C17orf67: variants seen among roughly 807,000 people sequenced by gnomAD.
C17orf67 encodes chromosome 17 open reading frame 67, also known as uncharacterized protein C17orf67.
A neutral mutation model predicts 11.2 loss-of-function variants in C17orf67; 12 were observed. That is an observed-to-expected ratio of 1.07 (90% CI 0.68 to 1.73). The LOEUF is 1.73. Among genes scored for constraint, C17orf67 ranks in the 40% most tolerant of loss-of-function variants. The pLI is 0.00. For missense variants in C17orf67, 115 were observed against 113.5 expected, an observed-to-expected ratio of 1.01 and a Z score of -0.06; for synonymous variants, 59 against 46.9, an observed-to-expected ratio of 1.26 and a Z score of -1.05.
chr17:56,800,267 G>A (rs905590551), intron 6 of C17orf67, among the ~76,000 whole-genome samples: 15 of 151,944 alleles, frequency 9.9e-5, no homozygotes, highest in African/African-American at 2.9e-4. Context: ...GGGTTTCACC[G>A]TGTTAGCCAG....
rs751416229 is a variant in C17orf67, at chr17:56,815,800, A to G, written c.11T>C (p.Leu4Ser). The G allele has an allele frequency of 5.6e-6, 9 of 1,613,856 alleles. No homozygotes were observed. The Admixed American group carries it at 1.5e-4, about 27-fold the overall frequency. MKTLPVLVLSLTLL... is the reference protein window; with the variant it reads MKTSPVLVLSLTLL... ...GGTAAGAGACAGCACGAGCACAGGC[A>G]ATGTCTTCATCCTGCCTTGGTTCCT... The change falls in exon 5 of 8, where the codon TTG becomes TCG. Residue 4 changes from leucine to serine, a missense_variant. Coordinates refer to ENST00000397861, the MANE Select transcript of C17orf67 (RefSeq NM_001085430.4).
intron 6 of C17orf67, chr17:56,804,395 A>G (rs1465800435): frequency 1.3e-5 from 2 of 152,226 alleles, no homozygotes; most frequent in Non-Finnish European, 1.5e-5. Context: ...TTTGCTCATT[A>G]GTACAAGCAA....
chr17:56,821,263 C>G (rs1473903115), intron 4 of C17orf67, among the ~76,000 whole-genome samples: 3 of 151,964 alleles, frequency 2.0e-5, no homozygotes, highest in Non-Finnish European at 4.4e-5. Context: ...ATTTTTTAGG[C>G]CCAGGGTAAA....
intron 4 of C17orf67, among the ~76,000 whole-genome samples, chr17:56,819,706 AGT>A (rs2144141321): frequency 6.6e-6 from 1 of 152,282 alleles, no homozygotes; most frequent in East Asian, 1.9e-4. Context: ...GAAAGAGCAA[AGT>A]GTCTTATTGT....
chr17:56,822,083 A>T (rs1220769287), intron 4 of C17orf67, among the ~76,000 whole-genome samples: 1 of 152,242 alleles, frequency 6.6e-6, no homozygotes, highest in Non-Finnish European at 1.5e-5. Flanking sequence ...ATTTCAGCTG[A>T]CTTCCAGCTA....
chr17:56,814,763 C>G, intron 6 of C17orf67, 106 bp downstream of exon 6: 1 of 1,083,594 alleles, frequency 9.2e-7, no homozygotes, highest in Non-Finnish European at 1.4e-6. Context: ...GAAACTCTAA[C>G]CAAACCCCTA....
intron 4 of C17orf67, 124 bp from the exon 5 acceptor site, chr17:56,816,134 T>C: frequency 4.1e-6 from 1 of 246,900 alleles, no homozygotes; most frequent in South Asian, 7.0e-5. Context: ...TGAGTGTTTC[T>C]CTGGAGCTTC....
chr17:56,796,049 G>A (rs1905207799), intron 6 of C17orf67, among the ~76,000 whole-genome samples: 1 of 152,182 alleles, frequency 6.6e-6, no homozygotes, highest in African/African-American at 2.4e-5. Context: ...GGGTTGCTAT[G>A]CTAATATCAA....
intron 6 of C17orf67, 123 bp downstream of exon 6, chr17:56,814,746 T>C (rs1282426296): frequency 6.6e-6 from 6 of 907,554 alleles, no homozygotes; most frequent in Non-Finnish European, 1.1e-5. Flanking sequence ...GCAGCTATCT[T>C]CTACCTGAAA....
chr17:56,830,235 C>T (rs1285182010), intron 2 of C17orf67, among the ~76,000 whole-genome samples: 1 of 151,818 alleles, frequency 6.6e-6, no homozygotes, highest in Non-Finnish European at 1.5e-5. Flanking sequence ...GTCCCAGCTA[C>T]TCGGGAGGCT....
chr17:56,822,918 A>G (rs1391964568), intron 4 of C17orf67, among the ~76,000 whole-genome samples: 1 of 152,140 alleles, frequency 6.6e-6, no homozygotes, highest in Non-Finnish European at 1.5e-5. Context: ...CGCCTCCACA[A>G]GTGGACTCTA....
intron 6 of C17orf67, among the ~76,000 whole-genome samples, chr17:56,798,684 A>G (rs201721019): frequency 1.4e-5 from 2 of 144,616 alleles, no homozygotes; most frequent in African/African-American, 5.1e-5. Context: ...AAAAAAAAAA[A>G]TAGCTAGATG....
intron 4 of C17orf67, among the ~76,000 whole-genome samples, chr17:56,818,350 A>T (rs143793899): frequency 1.3e-5 from 2 of 152,156 alleles, no homozygotes; most frequent in African/African-American, 2.4e-5. Context: ...AATGTGTCCA[A>T]TGTAAATTTA....
intron 4 of C17orf67, among the ~76,000 whole-genome samples, chr17:56,819,606 G>A (rs1905849081): frequency 6.6e-6 from 1 of 152,176 alleles, no homozygotes; most frequent in Non-Finnish European, 1.5e-5. Flanking sequence ...CCGTTCAGGT[G>A]TGATACTGGC....
At chr17:56,806,406 C>T (rs1407916353) in intron 6 of C17orf67, among the ~76,000 whole-genome samples, 1 of 152,166 alleles carries the variant, frequency 6.6e-6, no homozygotes, top group Non-Finnish European at 1.5e-5. Context: ...CAAATCACCA[C>T]CTTTAATCCT....
chr17:56,824,143 C>G (rs116671016), intron 4 of C17orf67, among the ~76,000 whole-genome samples: 421 of 152,260 alleles, frequency 2.8e-3, no homozygotes, highest in African/African-American at 9.8e-3. Flanking sequence ...ATGGATAAGA[C>G]TGTTATTTGG....
chr17:56,821,802 C>A (rs1045418289), intron 4 of C17orf67, among the ~76,000 whole-genome samples: 1 of 152,186 alleles, frequency 6.6e-6, no homozygotes, highest in Non-Finnish European at 1.5e-5. Flanking sequence ...GACTTTGCAG[C>A]CCCATGTCTT....
intron 6 of C17orf67, among the ~76,000 whole-genome samples, chr17:56,805,942 G>C (rs190193959): frequency 6.6e-6 from 1 of 150,782 alleles, no homozygotes; most frequent in Non-Finnish European, 1.5e-5. Context: ...TGTCTTTGGG[G>C]AGAAGGGACA....
chr17:56,805,595 C>A (rs776110744), intron 6 of C17orf67, among the ~76,000 whole-genome samples: 15 of 152,122 alleles, frequency 9.9e-5, no homozygotes, highest in Non-Finnish European at 2.2e-4. Flanking sequence ...TGTTTAAAGT[C>A]TTTTGGAAAG....
Sources: allele counts gnomAD v4.1 joint callset (sites outside exome capture counted in the v4.1 genomes callset), GRCh38; gene constraint gnomAD v4.1.1; transcripts MANE v1.5; gene names NCBI Gene and HGNC (gene_info 2026-07-23, HGNC 2026-07-21).